The following FRMD6 variants were observed in gnomAD, a reference collection of about 807,000 sequenced individuals.
FRMD6 encodes the protein FERM domain containing 6, also known as FERM domain-containing protein 6.
A neutral mutation model predicts 73.2 loss-of-function variants in FRMD6; 37 were observed. That is an observed-to-expected ratio of 0.51 (90% CI 0.39 to 0.66). FRMD6 has a LOEUF of 0.66. Ranked by LOEUF, FRMD6 falls within the 30% of genes least tolerant of loss-of-function variation. The pLI is 0.00. For synonymous variants in FRMD6, 273 were observed against 282.2 expected, an observed-to-expected ratio of 0.97 and a Z score of 0.33; for missense variants, 714 against 780.5, an observed-to-expected ratio of 0.91 and a Z score of 1.02.
chr14:51,589,030 T>C (rs892945149), intron 2 of FRMD6, among the ~76,000 whole-genome samples: 4 of 152,218 alleles, frequency 2.6e-5, no homozygotes, highest in African/African-American at 9.6e-5. Flanking sequence ...GTTGACCTTC[T>C]ACCTCACAGT....
At chr14:51,699,627 G>A (rs187665995) in intron 3 of FRMD6, among the ~76,000 whole-genome samples, 46 of 152,050 alleles carry the variant, frequency 3.0e-4, no homozygotes, top group South Asian at 1.2e-3. Context: ...CAGTTTTTTC[G>A]CGTCAAATGG....
intron 2 of FRMD6, among the ~76,000 whole-genome samples, chr14:51,621,113 A>G (rs1327792057): frequency 6.6e-6 from 1 of 152,166 alleles, no homozygotes; most frequent in African/African-American, 2.4e-5. Flanking sequence ...ATGTGCCCAA[A>G]TCAGCACTCA....
At chr14:51,490,889 T>C (rs1566773412) in intron 1 of FRMD6, among the ~76,000 whole-genome samples, 2 of 152,282 alleles carry the variant, frequency 1.3e-5, no homozygotes, top group East Asian at 3.9e-4. Context: ...AATCCAGTTC[T>C]CCAAGGCCAA....
the FRMD6 span, among the ~76,000 whole-genome samples, chr14:51,400,710 C>T: frequency 6.6e-6 from 1 of 152,164 alleles, no homozygotes; most frequent in Non-Finnish European, 1.5e-5. Flanking sequence ...TGGAACTCAA[C>T]TACTGGGAAT....
chr14:51,469,219 G>A, the FRMD6 span, among the ~76,000 whole-genome samples: 62 of 151,604 alleles, frequency 4.1e-4, 1 homozygote, highest in Admixed American at 2.0e-4. Flanking sequence ...GATTACAGGC[G>A]TGAGCCACTG....
At chr14:51,593,893 C>A (rs186787885) in intron 2 of FRMD6, among the ~76,000 whole-genome samples, 2 of 152,008 alleles carry the variant, frequency 1.3e-5, no homozygotes, top group African/African-American at 2.4e-5. Context: ...ATGAACCACA[C>A]CCCCAACTCT....
intron 2 of FRMD6, among the ~76,000 whole-genome samples, chr14:51,589,118 C>T (rs1889225390): frequency 6.6e-6 from 1 of 152,196 alleles, no homozygotes; most frequent in African/African-American, 2.4e-5. Flanking sequence ...CCTTCTCTAC[C>T]TGCTCACATT....
the FRMD6 span, among the ~76,000 whole-genome samples, chr14:51,411,000 C>G: frequency 6.6e-6 from 1 of 152,196 alleles, no homozygotes; most frequent in South Asian, 2.1e-4. Flanking sequence ...TCTGACCCCT[C>G]CTGCTGTGCC....
At chr14:51,555,574 G>A (rs1887081769) in intron 1 of FRMD6, among the ~76,000 whole-genome samples, 2 of 152,076 alleles carry the variant, frequency 1.3e-5, no homozygotes, top group African/African-American at 2.4e-5. Flanking sequence ...AGGCTGAGTC[G>A]AGCAGATCAC....
chr14:51,524,859 G>T (rs1284854219), intron 1 of FRMD6, among the ~76,000 whole-genome samples: 3 of 152,120 alleles, frequency 2.0e-5, no homozygotes. Context: ...ATCCAATTAG[G>T]TACAGTTCAC....
At chr14:51,523,382 A>G (rs1032528041) in intron 1 of FRMD6, among the ~76,000 whole-genome samples, 1 of 152,190 alleles carries the variant, frequency 6.6e-6, no homozygotes, top group African/African-American at 2.4e-5. Context: ...GCCGATGACC[A>G]GATGAGCCTT....
intron 1 of FRMD6, among the ~76,000 whole-genome samples, chr14:51,684,264 C>T (rs916121367): frequency 2.6e-5 from 4 of 151,692 alleles, no homozygotes; most frequent in Admixed American, 2.6e-4. Context: ...AAATAAAGGA[C>T]TCTTCAGGAA....
At chr14:51,531,991 G>A (rs1885608566) in intron 1 of FRMD6, among the ~76,000 whole-genome samples, 1 of 152,104 alleles carries the variant, frequency 6.6e-6, no homozygotes. Flanking sequence ...TTCTTTTCCA[G>A]GGAGTCAGTT....
chr14:51,654,709 C>A (rs1892701480), intron 1 of FRMD6, among the ~76,000 whole-genome samples: 1 of 151,958 alleles, frequency 6.6e-6, no homozygotes, highest in Admixed American at 6.6e-5. Context: ...ATGATCTCAA[C>A]AAGTTTTCCC....
chr14:51,442,146 TA>T, the FRMD6 span, among the ~76,000 whole-genome samples: 2 of 152,192 alleles, frequency 1.3e-5, no homozygotes, highest in East Asian at 3.9e-4. Flanking sequence ...TTCAAAATCT[TA>T]AAAGCATTTG....
chr14:51,718,334 A>G (rs1008873677), intron 10 of FRMD6, among the ~76,000 whole-genome samples: 18 of 152,214 alleles, frequency 1.2e-4, no homozygotes, highest in African/African-American at 3.6e-4. Context: ...TAGAGGAACT[A>G]TAGTGATCTC....
At chr14:51,681,224 T>C (rs1894773237) in intron 1 of FRMD6, among the ~76,000 whole-genome samples, 1 of 152,220 alleles carries the variant, frequency 6.6e-6, no homozygotes, top group African/African-American at 2.4e-5. Context: ...ATTGGTTAAA[T>C]ACAGAAGTTA....
In FRMD6 at chr14:51,540,620, G is replaced by A. The variant is rs138008381; in HGVS notation, c.-209-29728G>A. 9.2e-5 allele frequency among the ~76,000 whole-genome samples: 14 copies of A among 152,212 alleles called. No individual in the cohort carries two copies. The East Asian group carries it at 2.5e-3, about 27-fold the overall frequency. On this transcript the variant is annotated intron_variant, in intron 1 of 14. Transcript: ENST00000356218. The stretch of plus-strand genomic sequence containing the variant: ...AAAGTAGATTTTACAGCCCTGTGAA[G>A]TAAGCTCACTTCCTGTGTTTTTTAT...
chr14:51,454,184 G>A, the FRMD6 span, among the ~76,000 whole-genome samples: 1 of 152,174 alleles, frequency 6.6e-6, no homozygotes, highest in African/African-American at 2.4e-5. Flanking sequence ...TGCTTATTTT[G>A]GTCAACAACT....
Sources: gnomAD v4.1 joint callset for allele counts (sites outside exome capture counted in the v4.1 genomes callset) on GRCh38, gnomAD v4.1.1 for gene constraint, MANE v1.5 for transcripts, NCBI Gene and HGNC (gene_info 2026-07-23, HGNC 2026-07-21) for gene names.